ANO5: variants seen among roughly 807,000 people sequenced by gnomAD.
ANO5 encodes anoctamin 5.
A neutral mutation model predicts 121.0 loss-of-function variants in ANO5; 109 were observed. The observed-to-expected ratio is 0.90, with a 90% CI of 0.77 to 1.06. ANO5 has a LOEUF of 1.06. Ranked by LOEUF, ANO5 falls within the 50% of genes least tolerant of loss-of-function variation. ANO5 has a pLI of 0.00. For synonymous variants in ANO5, 406 were observed against 359.9 expected, an observed-to-expected ratio of 1.13 and a Z score of -1.45; for missense variants, 1,064 against 1,078.5, an observed-to-expected ratio of 0.99 and a Z score of 0.19.
rs944715011 is a variant in ANO5, at chr11:22,283,122, C to T, written c.*3357C>T. 2.6e-4 allele frequency: 39 copies of T among 152,292 alleles called. No homozygotes were observed. The highest frequency in any genetic ancestry group is 8.4e-4 in the African/African-American group (35 of 41,570). The allele number at this position is 152,292 out of a possible 1,614,324, so 9.4% of individuals were successfully genotyped here. A position where few individuals can be genotyped will look rare whatever the true frequency, so the allele number is the denominator to read the frequency against. ...AGTGTGGTTTAATTGGTATGAGATA[C>T]CTGCTTCCTCCTCCTCAAAGGTTTG... On this transcript the variant is annotated 3_prime_UTR_variant, in exon 22 of 22. Transcript: ENST00000324559.
chr11:22,276,981 GA>G (rs543160100), intron 21 of ANO5, among the ~76,000 whole-genome samples: 1 of 150,838 alleles, frequency 6.6e-6, no homozygotes, highest in Non-Finnish European at 1.5e-5. Flanking sequence ...TTCTGCATGG[GA>G]AAAAAACAAA....
intron 10 of ANO5, 81 bp from the exon 11 acceptor site, chr11:22,250,660 A>C (rs1853782818): frequency 7.4e-7 from 1 of 1,343,880 alleles, no homozygotes; most frequent in Non-Finnish European, 1.1e-6. Flanking sequence ...AAGTTATATA[A>C]GTAGTTGTTC....
intron 9 of ANO5, among the ~76,000 whole-genome samples, chr11:22,240,569 T>C (rs1027181373): frequency 1.3e-5 from 2 of 152,078 alleles, no homozygotes; most frequent in African/African-American, 4.8e-5. Context: ...AAACTGGGGC[T>C]TTTGATAAAT....
intron 14 of ANO5, among the ~76,000 whole-genome samples, chr11:22,259,110 G>A (rs1431350477): frequency 6.7e-6 from 1 of 148,806 alleles, no homozygotes; most frequent in African/African-American, 2.5e-5. Context: ...TCCAGCCTGG[G>A]CGACAGAGCG....
intron 21 of ANO5, 129 bp from the exon 22 acceptor site, chr11:22,279,411 CATAT>C (rs1854989907): frequency 1.4e-6 from 1 of 719,504 alleles, no homozygotes; most frequent in African/African-American, 1.8e-5. Context: ...GGACAGAGAC[CATAT>C]CTTCTTCCTT....
At chr11:22,193,555 C>T (rs1277962307) in intron 1 of ANO5, 23 bp downstream of exon 1, 1 of 1,610,194 alleles carries the variant, frequency 6.2e-7, no homozygotes, top group Admixed American at 1.7e-5. Context: ...CAAGAGGCGT[C>T]AAGGGAGAGC....
chr11:22,221,286 A>C, intron 5 of ANO5, 76 bp downstream of exon 5: 1 of 1,265,876 alleles, frequency 7.9e-7, no homozygotes, highest in South Asian at 1.3e-5. Context: ...TCTGGATTGA[A>C]TTATGTTGTA....
At chr11:22,232,559 T>A (rs867178842) in intron 7 of ANO5, among the ~76,000 whole-genome samples, 1 of 152,022 alleles carries the variant, frequency 6.6e-6, no homozygotes, top group Non-Finnish European at 1.5e-5. Flanking sequence ...ATGCTCTTAA[T>A]ATTCAACTCA....
rs80083989 is a variant in ANO5 at position 22,250,422 on chromosome 11, A to G, written c.1013+51A>G. The stretch of plus-strand genomic sequence containing the variant: ...AGAGAAAACATCTTTATCTTGTGCC[A>G]AATGAAGTTGTTGTTATTATTTCCC... On this transcript the variant is annotated intron_variant, in intron 10 of 21. Coordinates refer to ENST00000324559, the MANE Select transcript of ANO5 (RefSeq NM_213599.3). The G allele has an allele frequency of 2.5e-3, 4,090 of 1,605,290 alleles. 100 individuals carry two copies. In the African/African-American group the frequency reaches 0.048, roughly 19 times the overall value.
At chr11:22,197,667 T>A (rs1254589589) in intron 1 of ANO5, among the ~76,000 whole-genome samples, 1 of 152,212 alleles carries the variant, frequency 6.6e-6, no homozygotes, top group African/African-American at 2.4e-5. Context: ...AGTTGGTAAG[T>A]ACAAGTGCTA....
chr11:22,211,806 C>G (rs190821111), intron 3 of ANO5, among the ~76,000 whole-genome samples: 1 of 151,852 alleles, frequency 6.6e-6, no homozygotes, highest in Admixed American at 6.6e-5. Flanking sequence ...CATTAGTTGC[C>G]TAGCAAGTAA....
chr11:22,238,582 C>A (rs1019895823), intron 8 of ANO5, among the ~76,000 whole-genome samples: 7 of 152,008 alleles, frequency 4.6e-5, no homozygotes, highest in Non-Finnish European at 5.9e-5. Context: ...TTTCAAAATA[C>A]CCACATAGGC....
upstream of ANO5, chr11:22,192,934 G>T (rs1851691626): frequency 2.1e-6 from 2 of 970,860 alleles, no homozygotes; most frequent in Non-Finnish European, 2.4e-6. Flanking sequence ...GAGAGGAGGG[G>T]GCCAGCGTGG....
intron 5 of ANO5, among the ~76,000 whole-genome samples, chr11:22,224,827 GA>G: frequency 6.6e-6 from 1 of 152,018 alleles, no homozygotes; most frequent in Admixed American, 6.6e-5. Flanking sequence ...TTCAGCCATT[GA>G]AAAAATGAAA....
At chr11:22,256,288 G>C (rs1346949827) in intron 13 of ANO5, among the ~76,000 whole-genome samples, 1 of 152,076 alleles carries the variant, frequency 6.6e-6, no homozygotes, top group Non-Finnish European at 1.5e-5. Context: ...ATTTAAAAGA[G>C]AATAATATGT....
At chr11:22,268,559 A>G (rs992425325) in intron 17 of ANO5, among the ~76,000 whole-genome samples, 15 of 152,202 alleles carry the variant, frequency 9.9e-5, no homozygotes, top group African/African-American at 3.4e-4. Context: ...TCAGACAATC[A>G]CATCACTGTT....
chr11:22,252,223 G>A (rs1418407524), intron 12 of ANO5, among the ~76,000 whole-genome samples: 1 of 151,912 alleles, frequency 6.6e-6, no homozygotes, highest in Non-Finnish European at 1.5e-5. Flanking sequence ...TCTTATTAAT[G>A]GTTTAACAGC....
chr11:22,203,774 A>T, intron 1 of ANO5, 30 bp from the exon 2 acceptor site: 1 of 1,360,208 alleles, frequency 7.4e-7, no homozygotes, highest in Non-Finnish European at 1.0e-6. Context: ...GGCTAATTTA[A>T]CATGTTTTTC....
At chr11:22,246,607 C>T (rs965991159) in intron 9 of ANO5, among the ~76,000 whole-genome samples, 1 of 151,928 alleles carries the variant, frequency 6.6e-6, no homozygotes. Context: ...AAGGCCAAGG[C>T]AGGCAGATCA....
Sources: allele counts gnomAD v4.1 joint callset (sites outside exome capture counted in the v4.1 genomes callset), GRCh38; gene constraint gnomAD v4.1.1; transcripts MANE v1.5; gene names NCBI Gene and HGNC (gene_info 2026-07-23, HGNC 2026-07-21).